The following LUZP1 variants were observed in gnomAD, a reference collection of about 807,000 sequenced individuals.
The protein encoded by LUZP1 is filamin mechanobinding actin cross-linking protein.
In LUZP1, 25 loss-of-function variants were observed where a neutral mutation model predicts 71.3. That is an observed-to-expected ratio of 0.35 (90% CI 0.26 to 0.49). The LOEUF is 0.49. LUZP1 is among the 20% of genes least tolerant of loss of function. LUZP1 has a pLI of 0.99. For synonymous variants in LUZP1, 481 were observed against 506.4 expected (o/e 0.95, Z 0.67); for missense variants, 1,142 against 1,300.8 (o/e 0.88, Z 1.88).
chr1:23,084,160 C>T (rs1026117856), exon 5 of LUZP1: 1 of 152,142 alleles, frequency 6.6e-6, no homozygotes, highest in African/African-American at 2.4e-5. Context: ...TAGGTAACAG[C>T]TGGTTTAACA....
rs6658960 is a variant in LUZP1, at chr1:23,167,533, T to C, written c.-226+1233A>G. Among the ~76,000 whole-genome samples, 896 of 152,256 alleles carry C rather than the reference T, an allele frequency of 5.9e-3. 9 individuals carry two copies. The highest frequency in any genetic ancestry group is 0.02 in the African/African-American group (816 of 41,540). The stretch of plus-strand genomic sequence containing the variant: ...TTCTGGAAATCACACTACAGGGGTT[T>C]TGGGGGTGCCTACTCTCTTCCCCTC... On this transcript the variant is annotated intron_variant, in intron 2 of 4. Coordinates refer to ENST00000302291, the Ensembl canonical transcript of LUZP1.
intron 2 of LUZP1, among the ~76,000 whole-genome samples, chr1:23,152,048 T>C (rs932169379): frequency 2.0e-5 from 3 of 150,590 alleles, no homozygotes; most frequent in Admixed American, 6.6e-5. Flanking sequence ...ATACTCCACA[T>C]GTTGCAATGA....
intron 2 of LUZP1, among the ~76,000 whole-genome samples, chr1:23,155,879 G>A (rs568233791): frequency 1.5e-4 from 23 of 152,204 alleles, no homozygotes; most frequent in East Asian, 7.7e-4. Context: ...ATAAATACCC[G>A]CAGATAATTG....
chr1:23,111,177 G>A (rs190774722), intron 2 of LUZP1, among the ~76,000 whole-genome samples: 21 of 145,762 alleles, frequency 1.4e-4, no homozygotes, highest in Admixed American at 1.2e-3. Context: ...TCCAGCCTGG[G>A]CGACACAGTG....
intron 2 of LUZP1, among the ~76,000 whole-genome samples, chr1:23,138,269 C>T (rs1041789118): frequency 6.6e-6 from 1 of 151,896 alleles, no homozygotes; most frequent in Non-Finnish European, 1.5e-5. Context: ...CCACCGCACC[C>T]GACCACAAAA....
chr1:23,132,704 T>G (rs967136271), intron 2 of LUZP1, among the ~76,000 whole-genome samples: 5 of 152,140 alleles, frequency 3.3e-5, no homozygotes, highest in African/African-American at 9.7e-5. Context: ...GTGATATATA[T>G]AGAGACACAG....
At chr1:23,159,658 G>C (rs936423051) in intron 2 of LUZP1, among the ~76,000 whole-genome samples, 1 of 152,172 alleles carries the variant, frequency 6.6e-6, no homozygotes, top group Non-Finnish European at 1.5e-5. Flanking sequence ...AAAATGCTTA[G>C]GATAGTGCCT....
At chr1:23,137,091 G>A (rs1644260669) in intron 2 of LUZP1, among the ~76,000 whole-genome samples, 1 of 152,026 alleles carries the variant, frequency 6.6e-6, no homozygotes, top group South Asian at 2.1e-4. Context: ...CTTTATACAT[G>A]GCATGGGCAA....
intron 2 of LUZP1, among the ~76,000 whole-genome samples, chr1:23,131,219 C>CAAAAAAAA (rs71020480): frequency 1.1e-4 from 5 of 45,036 alleles, no homozygotes; most frequent in African/African-American, 4.1e-4. Context: ...GACTCCATCT[C>CAAAAAAAA]AAAAAAAAAA....
intron 2 of LUZP1, among the ~76,000 whole-genome samples, chr1:23,116,243 T>TGG (rs1363225917): frequency 6.6e-6 from 1 of 152,070 alleles, no homozygotes; most frequent in Non-Finnish European, 1.5e-5. Context: ...TAGCCAGGTG[T>TGG]GGTGGCGTAT....
intron 2 of LUZP1, among the ~76,000 whole-genome samples, chr1:23,136,400 G>T (rs1324066719): frequency 1.3e-5 from 2 of 151,048 alleles, no homozygotes; most frequent in African/African-American, 4.9e-5. Context: ...ACGTAAAACA[G>T]CATTACATAG....
intron 2 of LUZP1, among the ~76,000 whole-genome samples, chr1:23,147,612 C>CAAAAAA (rs774893320): frequency 6.5e-5 from 4 of 61,454 alleles, no homozygotes; most frequent in African/African-American, 2.0e-4. Flanking sequence ...AGTCTCTACC[C>CAAAAAA]AAAAAAAAAA....
At position 23,149,079 on chromosome 1, in the gene LUZP1, TAA is replaced by T. The variant is rs58910170; in HGVS notation, c.-226+19685_-226+19686del. Among the ~76,000 whole-genome samples, 106 of 37,400 alleles carry T rather than the reference TAA, an allele frequency of 2.8e-3. 3 individuals are homozygous for T. The highest frequency in any genetic ancestry group is 0.012 in the African/African-American group (98 of 8,178). The allele number at this position is 37,400 out of a possible 152,430, so 24.5% of individuals were successfully genotyped here. On this transcript the variant is annotated intron_variant, in intron 2 of 4. Coordinates refer to ENST00000302291, the Ensembl canonical transcript of LUZP1. ...CCAGGTGACAGAGTGACACCTTGCCTAAAAAAAAAAAAAAAAAAAAAAAAAAA... is the reference window on the plus strand; with the variant it reads ...CCAGGTGACAGAGTGACACCTTGCCTAAAAAAAAAAAAAAAAAAAAAAAAA...
At chr1:23,105,934 T>C (rs1643977734) in intron 3 of LUZP1, among the ~76,000 whole-genome samples, 1 of 152,138 alleles carries the variant, frequency 6.6e-6, no homozygotes, top group Non-Finnish European at 1.5e-5. Context: ...ACACATTACC[T>C]TTGTAGCACA....
At chr1:23,114,609 G>A (rs1349809210) in intron 2 of LUZP1, among the ~76,000 whole-genome samples, 2 of 152,214 alleles carry the variant, frequency 1.3e-5, no homozygotes, top group African/African-American at 4.8e-5. Flanking sequence ...ATAAGCTGCA[G>A]AAGACATGTC....
intron 1 of LUZP1, among the ~76,000 whole-genome samples, chr1:23,175,379 G>A (rs539144334): frequency 2.6e-5 from 4 of 152,252 alleles, no homozygotes; most frequent in South Asian, 2.1e-4. Context: ...TTTGTAAATC[G>A]TAACACATAA....
chr1:23,083,851 T>C (rs1422310803), downstream of LUZP1, among the ~76,000 whole-genome samples: 1 of 152,048 alleles, frequency 6.6e-6, no homozygotes, highest in Non-Finnish European at 1.5e-5. Flanking sequence ...TTTGATCAGG[T>C]CAGAAGATAA....
At chr1:23,144,044 T>C (rs1644324903) in intron 2 of LUZP1, among the ~76,000 whole-genome samples, 2 of 152,224 alleles carry the variant, frequency 1.3e-5, no homozygotes, top group Non-Finnish European at 1.5e-5. Flanking sequence ...AATATGGTAG[T>C]AGCCTCTTGC....
intron 1 of LUZP1, among the ~76,000 whole-genome samples, chr1:23,169,502 C>T (rs1644538036): frequency 6.6e-6 from 1 of 152,234 alleles, no homozygotes; most frequent in Non-Finnish European, 1.5e-5. Context: ...TCAGCTCAGA[C>T]TCGGGAGGCA....
Sources: allele counts gnomAD v4.1 joint callset (sites outside exome capture counted in the v4.1 genomes callset), GRCh38; gene constraint gnomAD v4.1.1; transcripts MANE v1.5; gene names NCBI Gene and HGNC (gene_info 2026-07-23, HGNC 2026-07-21).